The following MAGI2 variants were observed in gnomAD, a reference collection of about 807,000 sequenced individuals.
MAGI2 encodes membrane associated guanylate kinase, WW and PDZ domain containing 2, also known as membrane-associated guanylate kinase, WW and PDZ domain-containing protein 2.
Under a neutral mutation model 133.3 loss-of-function variants are expected in MAGI2, and 35 were observed. That is an observed-to-expected ratio of 0.26 (90% CI 0.20 to 0.35). The LOEUF (loss-of-function observed/expected upper bound fraction) is 0.35. Among genes scored for constraint, MAGI2 ranks in the 10% least tolerant of loss-of-function variants. The pLI, the probability that MAGI2 is intolerant of heterozygous loss-of-function variation, is 1.00. For missense variants in MAGI2, 1,636 were observed against 1,863.4 expected (o/e 0.88, Z 2.25); for synonymous variants, 729 against 710.6 (o/e 1.03, Z -0.41).
chr7:79,091,188 G>C (rs186163542), intron 1 of MAGI2, among the ~76,000 whole-genome samples: 4 of 151,854 alleles, frequency 2.6e-5, no homozygotes, highest in African/African-American at 9.7e-5. Flanking sequence ...TGTTGATTAC[G>C]TTGTCTCTCA....
At chr7:79,130,847 G>C (rs1490183517) in intron 1 of MAGI2, among the ~76,000 whole-genome samples, 1 of 152,112 alleles carries the variant, frequency 6.6e-6, no homozygotes, top group Admixed American at 6.5e-5. Flanking sequence ...CAAGCCAAAA[G>C]GTAGCTTGGT....
At chr7:79,022,487 G>A (rs1236613239) in intron 1 of MAGI2, among the ~76,000 whole-genome samples, 1 of 151,834 alleles carries the variant, frequency 6.6e-6, no homozygotes, top group Non-Finnish European at 1.5e-5. Context: ...AAGAGGAAAT[G>A]AAATCCAAAG....
At chr7:78,869,925 C>A (rs144531603) in intron 2 of MAGI2, among the ~76,000 whole-genome samples, 1 of 152,058 alleles carries the variant, frequency 6.6e-6, no homozygotes, top group East Asian at 1.9e-4. Flanking sequence ...TATTTCTGGG[C>A]TCTCTATTCT....
At chr7:79,027,040 G>A (rs1391561090) in intron 1 of MAGI2, among the ~76,000 whole-genome samples, 1 of 152,128 alleles carries the variant, frequency 6.6e-6, no homozygotes, top group African/African-American at 2.4e-5. Context: ...CATCCTGACA[G>A]ATGAAAGATA....
chr7:79,236,838 A>G (rs1377061707), intron 1 of MAGI2, among the ~76,000 whole-genome samples: 1 of 152,222 alleles, frequency 6.6e-6, no homozygotes, highest in Admixed American at 6.5e-5. Flanking sequence ...TAAAACTTAA[A>G]TAGACAAGCC....
chr7:79,036,162 T>C (rs1562815479), intron 1 of MAGI2, among the ~76,000 whole-genome samples: 1 of 152,224 alleles, frequency 6.6e-6, no homozygotes, highest in Non-Finnish European at 1.5e-5. Flanking sequence ...AGCCCACATG[T>C]ATAATCCCTC....
At chr7:78,181,437 C>G (rs1005318893) in intron 13 of MAGI2, among the ~76,000 whole-genome samples, 5 of 152,048 alleles carry the variant, frequency 3.3e-5, no homozygotes, top group Non-Finnish European at 7.4e-5. Context: ...TCTTCTTTTT[C>G]CTCAGCACTT....
chr7:78,573,273 A>AAT (rs369851566), intron 3 of MAGI2, among the ~76,000 whole-genome samples: 31,468 of 51,478 alleles, frequency 0.61, 10,444 homozygotes, highest in East Asian at 0.86. Context: ...AATATATATA[A>AAT]ATATATATAT....
At chr7:78,649,757 T>C (rs10251598) in intron 2 of MAGI2, among the ~76,000 whole-genome samples, 39,306 of 151,974 alleles carry the variant, frequency 0.26, 5,452 homozygotes, top group African/African-American at 0.34. Context: ...GATGGGAACA[T>C]TGGTATGCAG....
chr7:79,136,017 G>C (rs2129545719), intron 1 of MAGI2, among the ~76,000 whole-genome samples: 1 of 108,714 alleles, frequency 9.2e-6, no homozygotes, highest in South Asian at 3.2e-4. Flanking sequence ...AAGAAAGAAA[G>C]AAAGAAAGAA....
chr7:78,688,563 T>A (rs898594012), intron 2 of MAGI2, among the ~76,000 whole-genome samples: 3 of 152,204 alleles, frequency 2.0e-5, no homozygotes, highest in Non-Finnish European at 4.4e-5. Context: ...TGACCTTTTA[T>A]CTCTACTGAA....
intron 2 of MAGI2, among the ~76,000 whole-genome samples, chr7:78,846,335 C>A (rs1792604157): frequency 6.6e-6 from 1 of 151,896 alleles, no homozygotes; most frequent in Non-Finnish European, 1.5e-5. Context: ...GCTTAATACA[C>A]CGCAATTTTT....
intron 1 of MAGI2, among the ~76,000 whole-genome samples, chr7:79,181,885 A>G (rs1358202684): frequency 6.6e-6 from 1 of 152,050 alleles, no homozygotes; most frequent in Non-Finnish European, 1.5e-5. Context: ...TCTCTAGGAC[A>G]GGGGCACAAT....
At chr7:79,387,849 A>G (rs536291896) in intron 1 of MAGI2, among the ~76,000 whole-genome samples, 3 of 152,084 alleles carry the variant, frequency 2.0e-5, no homozygotes, top group African/African-American at 7.2e-5. Context: ...AATTTTTCAA[A>G]AAACAAACTA....
At chr7:79,316,390 T>G (rs1371100818) in intron 1 of MAGI2, among the ~76,000 whole-genome samples, 1 of 152,178 alleles carries the variant, frequency 6.6e-6, no homozygotes, top group Non-Finnish European at 1.5e-5. Context: ...TATAAAATAG[T>G]TTCATATCCA....
chr7:78,655,836 C>T (rs1812189190), intron 2 of MAGI2, among the ~76,000 whole-genome samples: 1 of 151,844 alleles, frequency 6.6e-6, no homozygotes. Context: ...AAAAAATTAG[C>T]CAGGCGCGGT....
intron 2 of MAGI2, among the ~76,000 whole-genome samples, chr7:78,728,640 A>G (rs1303364304): frequency 2.3e-5 from 2 of 88,502 alleles, no homozygotes; most frequent in African/African-American, 5.5e-5. Context: ...ATCTCGGCTC[A>G]GTGCAAGCTC....
chr7:79,429,971 G>A lies in MAGI2; in HGVS notation c.301+23049C>T, dbSNP rs762993846. 2.0e-5 allele frequency among the ~76,000 whole-genome samples: 3 copies of A among 151,946 alleles called. No individual in the cohort carries two copies. In the South Asian group the frequency reaches 6.2e-4, roughly 32 times the overall value. ...TTAAAAAAATAAGATGGTGCTAATCGATGAAAAATGTTCCCATCAATGACT... is the reference window on the plus strand; with the variant it reads ...TTAAAAAAATAAGATGGTGCTAATCAATGAAAAATGTTCCCATCAATGACT... On this transcript the variant is annotated intron_variant, in intron 1 of 21. Coordinates refer to ENST00000354212, the MANE Select transcript of MAGI2 (RefSeq NM_012301.4).
chr7:78,573,050 T>TATATATATATATATATATATATAC (rs1801697177), intron 3 of MAGI2, among the ~76,000 whole-genome samples: 1 of 94,462 alleles, frequency 1.1e-5, no homozygotes, highest in Non-Finnish European at 2.1e-5. Context: ...TATATATATA[T>TATATATATATATATATATATATAC]ATATATATAT....
Sources: gnomAD v4.1 joint callset for allele counts (sites outside exome capture counted in the v4.1 genomes callset) on GRCh38, gnomAD v4.1.1 for gene constraint, MANE v1.5 for transcripts, NCBI Gene and HGNC (gene_info 2026-07-23, HGNC 2026-07-21) for gene names.